RIC1: variants seen among roughly 807,000 people sequenced by gnomAD.
The protein encoded by RIC1 is guanine nucleotide exchange factor subunit RIC1.
Under a neutral mutation model 169.0 loss-of-function variants are expected in RIC1, and 88 were observed. That is an observed-to-expected ratio of 0.52 (90% confidence interval 0.44 to 0.62). The LOEUF (loss-of-function observed/expected upper bound fraction) is 0.62. RIC1 is among the 20% of genes least tolerant of loss of function. The probability of loss-of-function intolerance (pLI) is 0.00; values close to 1 mark genes in which losing one functional copy is unlikely to be tolerated. For synonymous variants in RIC1, 790 were observed against 601.5 expected (o/e 1.31, Z -4.59); for missense variants, 1,877 against 1,725.5 (o/e 1.09, Z -1.56).
intron 6 of RIC1, 107 bp downstream of exon 6, chr9:5,720,857 G>T: frequency 9.5e-7 from 1 of 1,048,362 alleles, no homozygotes; most frequent in Non-Finnish European, 1.3e-6. Flanking sequence ...TTTAAGGGTT[G>T]TTAATTTTTT....
At chr9:5,740,265 G>A (rs550656249) in intron 8 of RIC1, among the ~76,000 whole-genome samples, 9 of 152,190 alleles carry the variant, frequency 5.9e-5, no homozygotes, top group South Asian at 2.1e-4. Context: ...AACAGTTCAC[G>A]TCAAGGACTG....
chr9:5,750,395 C>T, intron 12 of RIC1, among the ~76,000 whole-genome samples: 1 of 151,798 alleles, frequency 6.6e-6, no homozygotes, highest in East Asian at 1.9e-4. Flanking sequence ...AGATAAGCAC[C>T]TACAGGGTAT....
At chr9:5,703,182 A>C (rs1188170792) in intron 3 of RIC1, among the ~76,000 whole-genome samples, 1 of 152,182 alleles carries the variant, frequency 6.6e-6, no homozygotes, top group East Asian at 1.9e-4. Flanking sequence ...GAGCCTGTAA[A>C]ATCAAAAACA....
At chr9:5,740,262 C>T (rs1824998138) in intron 8 of RIC1, among the ~76,000 whole-genome samples, 1 of 152,052 alleles carries the variant, frequency 6.6e-6, no homozygotes, top group African/African-American at 2.4e-5. Flanking sequence ...ATAAACAGTT[C>T]ACGTCAAGGA....
intron 3 of RIC1, among the ~76,000 whole-genome samples, chr9:5,701,442 G>A (rs138276061): frequency 1.3e-5 from 2 of 151,968 alleles, no homozygotes; most frequent in African/African-American, 4.8e-5. Context: ...CAGAACCCCC[G>A]TCTCTACTAA....
chr9:5,681,067 C>T (rs1820801744), intron 2 of RIC1, among the ~76,000 whole-genome samples: 1 of 151,592 alleles, frequency 6.6e-6, no homozygotes, highest in Non-Finnish European at 1.5e-5. Flanking sequence ...ACCTCGTGAT[C>T]CGCCCGCCTC....
intron 2 of RIC1, among the ~76,000 whole-genome samples, chr9:5,683,788 C>A (rs1458175433): frequency 2.0e-5 from 3 of 152,242 alleles, no homozygotes; most frequent in African/African-American, 7.2e-5. Context: ...CTGTGGTGGG[C>A]TCCACCCAGT....
At chr9:5,661,820 A>C (rs969044787) in intron 2 of RIC1, among the ~76,000 whole-genome samples, 2 of 152,090 alleles carry the variant, frequency 1.3e-5, no homozygotes, top group Non-Finnish European at 2.9e-5. Context: ...AATACCCTTT[A>C]TTTCTTTCTC....
Position 5,763,982 on chromosome 9 carries a change from C to T in RIC1, c.2841+114C>T. ...TTTAAGGAATTCATAGTCAAATTTT[C>T]TGTTTATATCTTTAATTTGGAAGAA... On this transcript the variant is annotated intron_variant, in intron 19 of 25. Coordinates refer to ENST00000414202, the MANE Select transcript of RIC1 (RefSeq NM_020829.4). The surrounding 1 kb of genome is among the most constrained non-coding windows in gnomAD (Gnocchi z 5.2). The T allele has an allele frequency of 1.7e-6, 2 of 1,151,994 alleles. No individual in the cohort carries two copies. The highest frequency in any genetic ancestry group is 2.4e-6 in the Non-Finnish European group (2 of 818,412). The allele number at this position is 1,151,994 out of a possible 1,614,324, so 71.4% of individuals were successfully genotyped here. A position where few individuals can be genotyped will look rare whatever the true frequency, so the allele number is the denominator to read the frequency against.
In RIC1 at chr9:5,709,087, A is replaced by C. The variant is rs1437858243; in HGVS notation, c.333-4809A>C. Among the ~76,000 whole-genome samples the C allele has an allele frequency of 3.3e-5, 5 of 152,332 alleles. No individual in the cohort carries two copies. The South Asian group carries it at 8.3e-4, about 25-fold the overall frequency. On this transcript the variant is annotated intron_variant, in intron 3 of 25. Transcript: ENST00000414202. ...AGCATAGCTTAAATCATCACAGTAGAGGATTAAAAACAAAACATGTACCAA... is the reference window on the plus strand; with the variant it reads ...AGCATAGCTTAAATCATCACAGTAGCGGATTAAAAACAAAACATGTACCAA...
At chr9:5,758,722 CTT>C (rs754931692) in intron 17 of RIC1, among the ~76,000 whole-genome samples, 22 of 98,426 alleles carry the variant, frequency 2.2e-4, no homozygotes, top group African/African-American at 6.0e-4. Context: ...GGTCTCCCTT[CTT>C]TTTTTTTTTT....
chr9:5,690,078 C>A, intron 3 of RIC1, 40 bp downstream of exon 3: 1 of 1,317,916 alleles, frequency 7.6e-7, no homozygotes, highest in Non-Finnish European at 1.1e-6. Context: ...ATGTGATTTG[C>A]ATACTTTATA....
Position 5,774,453 on chromosome 9 carries a change from T to G in RIC1, c.*207T>G, listed in dbSNP as rs572307920. The G allele has an allele frequency of 4.4e-6, 2 of 455,734 alleles. No homozygotes were observed. The highest frequency in any genetic ancestry group is 3.8e-6 in the Non-Finnish European group (1 of 264,734). 28.2% of individuals were successfully genotyped at this position (455,734 alleles called of 1,614,324 possible). ...ATAAAGCATCTTTCATAAAAAAATT[T>G]TAAGCTGCAGTGAAAAGTAAATATT... is the stretch of plus-strand genomic sequence containing the variant. On this transcript the variant is annotated 3_prime_UTR_variant, in exon 26 of 26. Coordinates refer to ENST00000414202, the MANE Select transcript of RIC1 (RefSeq NM_020829.4).
At chr9:5,636,365 G>T (rs564974266) in intron 1 of RIC1, among the ~76,000 whole-genome samples, 4 of 152,074 alleles carry the variant, frequency 2.6e-5, no homozygotes, top group South Asian at 2.1e-4. Flanking sequence ...TGTCACCGAG[G>T]CTGGAGTGCA....
chr9:5,657,375 T>C (rs1819163146), intron 2 of RIC1, among the ~76,000 whole-genome samples: 1 of 152,278 alleles, frequency 6.6e-6, no homozygotes, highest in African/African-American at 2.4e-5. Context: ...TTAGCAGTAA[T>C]ATATGTGGTT....
intron 3 of RIC1, among the ~76,000 whole-genome samples, chr9:5,708,295 A>G (rs1822720167): frequency 6.6e-6 from 1 of 152,138 alleles, no homozygotes; most frequent in Non-Finnish European, 1.5e-5. Context: ...TTTGAGTCAT[A>G]TAGGGAAAAA....
intron 6 of RIC1, among the ~76,000 whole-genome samples, chr9:5,727,185 G>A (rs947990970): frequency 9.9e-5 from 15 of 152,198 alleles, no homozygotes; most frequent in African/African-American, 3.4e-4. Context: ...TCACTTTCAG[G>A]TACAGCAGTC....
At chr9:5,777,209 C>G (rs1490526843), downstream of RIC1, among the ~76,000 whole-genome samples, 1 of 151,692 alleles carries the variant, frequency 6.6e-6, no homozygotes, top group African/African-American at 2.4e-5. Flanking sequence ...TGCTGGAGTT[C>G]TTTATATATT....
intron 21 of RIC1, 112 bp from the exon 22 acceptor site, chr9:5,768,858 A>G: frequency 6.1e-6 from 7 of 1,145,028 alleles, no homozygotes; most frequent in Non-Finnish European, 8.6e-6. Flanking sequence ...AATCAGAATT[A>G]GATCTTGGAT....
Sources: allele counts gnomAD v4.1 joint callset (sites outside exome capture counted in the v4.1 genomes callset), GRCh38; gene constraint gnomAD v4.1.1; non-coding constraint Gnocchi (gnomAD v3.1); transcripts MANE v1.5; gene names NCBI Gene and HGNC (gene_info 2026-07-23, HGNC 2026-07-21).